CTNNA3: variants seen among roughly 807,000 people sequenced by gnomAD.
CTNNA3 encodes catenin alpha 3.
Under a neutral mutation model 95.7 loss-of-function variants are expected in CTNNA3, and 76 were observed. The observed-to-expected ratio is 0.79, with a 90% CI of 0.66 to 0.96. CTNNA3 has a LOEUF of 0.96. Among genes scored for constraint, CTNNA3 ranks in the 40% least tolerant of loss-of-function variants. CTNNA3 has a pLI of 0.00. For synonymous variants in CTNNA3, 431 were observed against 374.4 expected, an observed-to-expected ratio of 1.15 and a Z score of -1.74; for missense variants, 1,191 against 1,089.8, an observed-to-expected ratio of 1.09 and a Z score of -1.31.
chr10:66,417,496 T>C (rs1172368204), intron 11 of CTNNA3, among the ~76,000 whole-genome samples: 1 of 151,952 alleles, frequency 6.6e-6, no homozygotes, highest in Non-Finnish European at 1.5e-5. Flanking sequence ...AAAAGAAACA[T>C]TGAAGTTAGA....
intron 2 of CTNNA3, among the ~76,000 whole-genome samples, chr10:67,644,488 T>C (rs1839642032): frequency 6.7e-6 from 1 of 148,486 alleles, no homozygotes; most frequent in Non-Finnish European, 1.5e-5. Context: ...AACATGATGT[T>C]ATCCTAGAAA....
intron 9 of CTNNA3, among the ~76,000 whole-genome samples, chr10:66,632,737 A>G (rs1845189402): frequency 6.6e-6 from 1 of 152,016 alleles, no homozygotes; most frequent in African/African-American, 2.4e-5. Flanking sequence ...ACTACATAAA[A>G]AATTTTAAAT....
chr10:66,483,520 A>G lies in CTNNA3; in HGVS notation c.1531+37097T>C, dbSNP rs375964514. Among the ~76,000 whole-genome samples the G allele has an allele frequency of 1.3e-4, 20 of 152,288 alleles. No homozygotes were observed. The East Asian group carries it at 3.5e-3, about 26-fold the overall frequency. On this transcript the variant is annotated intron_variant, in intron 11 of 17. Transcript: ENST00000433211. ...ACTTATTAAAAAATTATCAACTACA[A>G]TCTCAAAAATAGGTTCCCTTACATT...
At chr10:67,082,440 A>G (rs1265066969) in intron 7 of CTNNA3, among the ~76,000 whole-genome samples, 6 of 152,192 alleles carry the variant, frequency 3.9e-5, no homozygotes, top group Non-Finnish European at 5.9e-5. Flanking sequence ...CACTCCTGGC[A>G]TAAGTTTAAA....
chr10:66,024,383 C>T (rs1046526999), intron 15 of CTNNA3, among the ~76,000 whole-genome samples: 66 of 152,274 alleles, frequency 4.3e-4, no homozygotes, highest in African/African-American at 1.2e-3. Flanking sequence ...GCCACCACGC[C>T]CGACCCCATG....
At chr10:66,362,679 C>T (rs1367476915) in intron 12 of CTNNA3, among the ~76,000 whole-genome samples, 1 of 151,764 alleles carries the variant, frequency 6.6e-6, no homozygotes, top group Non-Finnish European at 1.5e-5. Context: ...TGCCATTGCA[C>T]TCCACCCTGG....
intron 11 of CTNNA3, among the ~76,000 whole-genome samples, chr10:66,499,548 G>A (rs1840208941): frequency 6.6e-6 from 1 of 152,154 alleles, no homozygotes; most frequent in South Asian, 2.1e-4. Flanking sequence ...GGCTAACCTT[G>A]AACTCCTGGG....
intron 13 of CTNNA3, among the ~76,000 whole-genome samples, chr10:66,258,322 G>A (rs1285478101): frequency 6.6e-6 from 1 of 152,182 alleles, no homozygotes; most frequent in Non-Finnish European, 1.5e-5. Context: ...TTGGTACAAA[G>A]AGCCTCTCTA....
intron 5 of CTNNA3, among the ~76,000 whole-genome samples, chr10:67,317,554 T>C (rs1454175301): frequency 6.6e-6 from 1 of 152,044 alleles, no homozygotes; most frequent in Non-Finnish European, 1.5e-5. Flanking sequence ...GCCTCCCAAG[T>C]AGCTGGGACT....
chr10:67,235,686 C>T (rs1391568743), intron 5 of CTNNA3, among the ~76,000 whole-genome samples: 2 of 142,530 alleles, frequency 1.4e-5, no homozygotes, highest in African/African-American at 5.4e-5. Context: ...AACTAAAGAG[C>T]TTCTGCACAG....
chr10:67,602,019 T>G (rs1378528509), intron 3 of CTNNA3, among the ~76,000 whole-genome samples: 1 of 152,198 alleles, frequency 6.6e-6, no homozygotes, highest in Admixed American at 6.5e-5. Flanking sequence ...TTATAGTATG[T>G]CTTTATTGGA....
chr10:66,176,175 C>T lies in CTNNA3; in HGVS notation c.1885-72926G>A, dbSNP rs192678622. On this transcript the variant is annotated intron_variant, in intron 13 of 17. Transcript: ENST00000433211. Reference sequence around the variant, plus strand: ...CTGTGTGCATGTGTGCACACACATACGTGTGCGCACATGTATTTGTGAAAG... The same window carrying T: ...CTGTGTGCATGTGTGCACACACATATGTGTGCGCACATGTATTTGTGAAAG... Among the ~76,000 whole-genome samples the T allele has an allele frequency of 3.4e-3, 515 of 152,160 alleles. 1 individual carries two copies. The highest frequency in any genetic ancestry group is 0.024 in the Middle Eastern group (7 of 294).
intron 11 of CTNNA3, among the ~76,000 whole-genome samples, chr10:66,428,821 C>A (rs1333369151): frequency 6.6e-6 from 1 of 151,730 alleles, no homozygotes; most frequent in African/African-American, 2.4e-5. Flanking sequence ...AAAATTGACA[C>A]CCTAACATCA....
intron 7 of CTNNA3, among the ~76,000 whole-genome samples, chr10:66,965,858 T>C (rs1320050899): frequency 3.9e-5 from 6 of 152,178 alleles, no homozygotes; most frequent in African/African-American, 7.2e-5. Context: ...TTTCATGAAA[T>C]GTGCCTTCCC....
chr10:67,560,583 C>T (rs761567825), intron 3 of CTNNA3, among the ~76,000 whole-genome samples: 16 of 152,180 alleles, frequency 1.1e-4, no homozygotes, highest in Middle Eastern at 3.4e-3. Flanking sequence ...CATCAACTAA[C>T]GAGGAAAATA....
intron 11 of CTNNA3, among the ~76,000 whole-genome samples, chr10:66,446,851 A>T: frequency 6.6e-6 from 1 of 152,066 alleles, no homozygotes; most frequent in East Asian, 1.9e-4. Context: ...AAGGAAATAA[A>T]GGGTATTCAA....
chr10:67,082,565 A>G (rs1237354502), intron 7 of CTNNA3, among the ~76,000 whole-genome samples: 3 of 152,202 alleles, frequency 2.0e-5, no homozygotes, highest in Admixed American at 6.5e-5. Flanking sequence ...CAAATTCTCA[A>G]TTACTTCACA....
At chr10:66,194,193 A>G (rs977201710) in intron 13 of CTNNA3, among the ~76,000 whole-genome samples, 3 of 152,180 alleles carry the variant, frequency 2.0e-5, no homozygotes, top group African/African-American at 7.2e-5. Context: ...AAATAGCACA[A>G]AAGTAGCACA....
At chr10:67,491,330 G>C (rs1300743230) in intron 5 of CTNNA3, among the ~76,000 whole-genome samples, 2 of 152,150 alleles carry the variant, frequency 1.3e-5, no homozygotes, top group African/African-American at 4.8e-5. Flanking sequence ...CTAGTTGTTG[G>C]GGAATAGAGA....
Sources: allele counts gnomAD v4.1 joint callset (sites outside exome capture counted in the v4.1 genomes callset), GRCh38; gene constraint gnomAD v4.1.1; transcripts MANE v1.5; gene names NCBI Gene and HGNC (gene_info 2026-07-23, HGNC 2026-07-21).